MRPL38: variants seen among roughly 807,000 people sequenced by gnomAD.
MRPL38 encodes the protein mitochondrial ribosomal protein L38.
A neutral mutation model predicts 52.1 loss-of-function variants in MRPL38; 51 were observed. That is an observed-to-expected ratio of 0.98 (90% CI 0.78 to 1.24). The LOEUF is 1.24. Among genes scored for constraint, MRPL38 ranks in the 50% most tolerant of loss-of-function variants. MRPL38 has a pLI of 0.00. For missense variants in MRPL38, 527 were observed against 518.6 expected, an observed-to-expected ratio of 1.02 and a Z score of -0.16; for synonymous variants, 245 against 212.7, an observed-to-expected ratio of 1.15 and a Z score of -1.32.
At chr17:75,902,291 A>G in intron 2 of MRPL38, 137 bp from the exon 3 acceptor site, 1 of 1,047,686 alleles carries the variant, frequency 9.5e-7, no homozygotes. Flanking sequence ...TTTTGTAGAG[A>G]CAGGGTTTTG....
At position 75,901,130 on chromosome 17, in the gene MRPL38, C is replaced by A; in HGVS notation, c.664+71G>T. The A allele has an allele frequency of 1.3e-6, 2 of 1,599,494 alleles. No individual in the cohort carries two copies. Among genetic ancestry groups the A allele is most frequent in the Non-Finnish European group, 1.7e-6 (2 of 1,173,760 alleles). ...CTGGAGATCTCCACCTGGCCCCTCC[C>A]CCAGCCCCCCAGGGCCCTGGCTCAT... On this transcript the variant is annotated intron_variant, in intron 5 of 8. Transcript: ENST00000309352. The surrounding 1 kb of genome is among the most constrained non-coding windows in gnomAD (Gnocchi z 5.7).
In MRPL38 at chr17:75,904,611, C is replaced by T; in HGVS notation, c.176G>A (p.Arg59His). The T allele has an allele frequency of 6.3e-7, 1 of 1,593,076 alleles. No homozygotes were observed. Among genetic ancestry groups the T allele is most frequent in the South Asian group, 1.1e-5 (1 of 89,566 alleles). ...EKYRSFDRYR[R>H]RAEQEAQAPH... The stretch of plus-strand genomic sequence containing the variant: ...GGCCTGCGCCTCCTGCTCTGCTCGG[C>T]GCCGGTAGCGGTCGAAGCTCCGGTA... Residue 59 changes from arginine (R) to histidine (H), a missense_variant, in exon 2 of 9, where the codon CGC (arginine) becomes CAC (histidine). Coordinates refer to ENST00000309352, the MANE Select transcript of MRPL38 (RefSeq NM_032478.4).
At position 75,901,636 on chromosome 17, in the gene MRPL38, G is replaced by C; in HGVS notation, c.591+76C>G. ...GAGAACAACAAAATTCCAAACCCAG[G>C]AGTGTCTGTGACACTGAGATGGGAT... On this transcript the variant is annotated intron_variant, in intron 4 of 8. Coordinates refer to ENST00000309352, the MANE Select transcript of MRPL38 (RefSeq NM_032478.4). This position sits in a 1 kb window ranked among gnomAD's most constrained non-coding sequence, Gnocchi z 5.7. 1 of 1,263,896 alleles carries C rather than the reference G, an allele frequency of 7.9e-7. No individual in the cohort carries two copies. Among genetic ancestry groups the C allele is most frequent in the Admixed American group, 1.8e-5 (1 of 55,306 alleles). 78.3% of individuals were successfully genotyped at this position (1,263,896 alleles called of 1,614,324 possible). A position where few individuals can be genotyped will look rare whatever the true frequency, so the allele number is the denominator to read the frequency against.
Position 75,901,367 on chromosome 17 carries a change from A to T in MRPL38, c.592-94T>A. On this transcript the variant is annotated intron_variant, in intron 4 of 8. Coordinates refer to ENST00000309352, the MANE Select transcript of MRPL38 (RefSeq NM_032478.4). The surrounding 1 kb of genome is among the most constrained non-coding windows in gnomAD (Gnocchi z 5.7). ...AAAGGGGTGCCCACTCTGACCCAAA[A>T]GCCCTTGACAACCCCTGGCACAGGC... is the stretch of plus-strand genomic sequence containing the variant. 2.4e-6 allele frequency: 3 copies of T among 1,242,264 alleles called. No homozygotes were observed. The highest frequency in any genetic ancestry group is 3.5e-6 in the Non-Finnish European group (3 of 867,510). 77.0% of individuals were successfully genotyped at this position (1,242,264 alleles called of 1,614,324 possible).
At chr17:75,902,421 A>C in intron 2 of MRPL38, 1 of 452,162 alleles carries the variant, frequency 2.2e-6, no homozygotes, top group South Asian at 2.8e-5. Flanking sequence ...GCTAATTTAA[A>C]AAATCTGAGA....
intron 2 of MRPL38, chr17:75,904,248 C>A: frequency 1.7e-6 from 1 of 589,708 alleles, no homozygotes; most frequent in South Asian, 1.5e-5. Flanking sequence ...GCGCACAGAA[C>A]GGCATCCCAA....
intron 2 of MRPL38, chr17:75,904,131 G>C (rs2065417528): frequency 9.2e-6 from 4 of 437,038 alleles, no homozygotes; most frequent in South Asian, 3.5e-5. Flanking sequence ...GGATCCAATG[G>C]AGGGCAAGAC....
At position 75,901,196 on chromosome 17, in the gene MRPL38, C is replaced by A; in HGVS notation, c.664+5G>T. 1 of 1,613,414 alleles carries A rather than the reference C, an allele frequency of 6.2e-7. No homozygotes were observed. Among genetic ancestry groups the A allele is most frequent in the Non-Finnish European group, 8.5e-7 (1 of 1,179,782 alleles). ...CAGGAGGCCTGGTGAGCCCCAGACA[C>A]CCACCCAAGCTAGTGAGTAGCAACG... On this transcript the variant is annotated splice_donor_5th_base_variant and intron_variant, in intron 5 of 8. Coordinates refer to ENST00000309352, the MANE Select transcript of MRPL38 (RefSeq NM_032478.4). The surrounding 1 kb of genome is among the most constrained non-coding windows in gnomAD (Gnocchi z 5.7).
In MRPL38 at chr17:75,899,208, A is replaced by T; in HGVS notation, c.956T>A (p.Phe319Tyr). ...GACGGAGTCATCCCAGCGGCACTGG[A>T]AGAAGGACAAGCCGGCTGGAGTCAT... is the stretch of plus-strand genomic sequence containing the variant. ...ETMTPAGLSFFQCRWDDSVTY... is the reference protein window; with the variant it reads ...ETMTPAGLSFYQCRWDDSVTY... The change falls in exon 8 of 9, where the codon TTC (phenylalanine) becomes TAC (tyrosine). Residue 319 changes from phenylalanine to tyrosine, a missense_variant. Phe to Tyr is a conservative substitution (Grantham distance 22). Transcript: ENST00000309352. 6.2e-7 allele frequency: 1 copy of T among 1,608,930 alleles called. No individual in the cohort carries two copies. Among genetic ancestry groups the T allele is most frequent in the Non-Finnish European group, 8.5e-7 (1 of 1,177,862 alleles).
intron 2 of MRPL38, 194 bp downstream of exon 2, chr17:75,904,346 G>T: frequency 1.4e-6 from 1 of 725,034 alleles, no homozygotes. Context: ...TTCCAAGAAT[G>T]AGGTGCAGAA....
chr17:75,900,720 C>CAA (rs5822109), intron 6 of MRPL38: 3,434 of 1,028,388 alleles, frequency 3.3e-3, no homozygotes, highest in East Asian at 4.2e-3. Flanking sequence ...GACCCTGTCT[C>CAA]AAAAAAAAAA....
At position 75,901,957 on chromosome 17, in the gene MRPL38, G is replaced by A; in HGVS notation, c.383-37C>T. On this transcript the variant is annotated intron_variant, in intron 3 of 8. Transcript: ENST00000309352. This position sits in a 1 kb window ranked among gnomAD's most constrained non-coding sequence, Gnocchi z 5.7. ...TAAGGCCAGTTGGGATACGGGGGTG[G>A]GGGGGGCAGGGACACACCCTGTACC... 2 of 1,607,142 alleles carry A rather than the reference G, an allele frequency of 1.2e-6. No homozygotes were observed. Among genetic ancestry groups the A allele is most frequent in the Non-Finnish European group, 1.7e-6 (2 of 1,175,490 alleles).
intron 1 of MRPL38, 39 bp downstream of exon 1, chr17:75,904,770 G>GGGGGGGGGCCCCC: frequency 4.0e-6 from 2 of 500,004 alleles, no homozygotes; most frequent in Non-Finnish European, 5.6e-6. Flanking sequence ...TCGGGCGACA[G>GGGGGGGGGCCCCC]CCCCCCCCCC....
At chr17:75,900,616 G>A (rs1170525974) in intron 6 of MRPL38, 3 of 302,076 alleles carry the variant, frequency 9.9e-6, no homozygotes, top group Non-Finnish European at 5.4e-6. Flanking sequence ...AGCTACTCAG[G>A]AGACTGAGGT....
At chr17:75,904,223 T>G (rs1189675614) in intron 2 of MRPL38, 1 of 552,550 alleles carries the variant, frequency 1.8e-6, no homozygotes, top group Non-Finnish European at 3.6e-6. Context: ...CAGAGTTACC[T>G]ACAGAGTATT....
At position 75,901,400 on chromosome 17, in the gene MRPL38, C is replaced by A. The variant is rs575158754; in HGVS notation, c.592-127G>T. 68 of 914,762 alleles carry A rather than the reference C, an allele frequency of 7.4e-5. 1 individual carries two copies. The East Asian group carries it at 1.7e-3, about 23-fold the overall frequency. The allele number at this position is 914,762 out of a possible 1,614,324, so 56.7% of individuals were successfully genotyped here. A position where few individuals can be genotyped will look rare whatever the true frequency, so the allele number is the denominator to read the frequency against. Reference sequence around the variant, plus strand: ...ACAACCCCTGGCACAGGCAGGCAGGCAAAGGGATGCGTAGAGAAGCAGCCC... The same window carrying A: ...ACAACCCCTGGCACAGGCAGGCAGGAAAAGGGATGCGTAGAGAAGCAGCCC... On this transcript the variant is annotated intron_variant, in intron 4 of 8. Coordinates refer to ENST00000309352, the MANE Select transcript of MRPL38 (RefSeq NM_032478.4). This position sits in a 1 kb window ranked among gnomAD's most constrained non-coding sequence, Gnocchi z 5.7.
At chr17:75,900,733 AAAAAAG>A in intron 6 of MRPL38, 12 of 1,323,602 alleles carry the variant, frequency 9.1e-6, no homozygotes, top group Admixed American at 3.6e-5. Flanking sequence ...AAAAAAAAAA[AAAAAAG>A]AAAAGAAAAG....
In MRPL38 at chr17:75,904,863, A is replaced by T; in HGVS notation, c.13T>A (p.Trp5Arg). The T allele has an allele frequency of 2.7e-6, 4 of 1,496,046 alleles. No individual in the cohort carries two copies. Among genetic ancestry groups the T allele is most frequent in the African/African-American group, 1.5e-5 (1 of 66,722 alleles). 92.7% of individuals were successfully genotyped at this position (1,496,046 alleles called of 1,614,324 possible). Residue 5 changes from tryptophan (W) to arginine (R), a missense_variant, in exon 1 of 9, where the codon TGG becomes AGG. Coordinates refer to ENST00000309352, the MANE Select transcript of MRPL38 (RefSeq NM_032478.4). MAAPWWRAALCECRR... is the reference protein window; with the variant it reads MAAPRWRAALCECRR... Reference sequence around the variant, plus strand: ...CACTCGCACAGCGCGGCTCGCCACCAGGGCGCCGCCATCTTCCCTCCGGCC... The same window carrying T: ...CACTCGCACAGCGCGGCTCGCCACCTGGGCGCCGCCATCTTCCCTCCGGCC...
chr17:75,902,361 CCA>C (rs1274179139), intron 2 of MRPL38: 23 of 599,972 alleles, frequency 3.8e-5, no homozygotes, highest in African/African-American at 5.6e-5. Context: ...CCTCAGCCTC[CCA>C]CAGTGTTGGG....
Sources: allele counts gnomAD v4.1 joint callset, GRCh38; gene constraint gnomAD v4.1.1; non-coding constraint Gnocchi (gnomAD v3.1); transcripts MANE v1.5; gene names NCBI Gene and HGNC (gene_info 2026-07-23, HGNC 2026-07-21).